USP3: variants seen among roughly 807,000 people sequenced by gnomAD.
USP3 encodes ubiquitin specific peptidase 3.
A neutral mutation model predicts 72.3 loss-of-function variants in USP3; 20 were observed. That is an observed-to-expected ratio of 0.28 (90% CI 0.19 to 0.40). The LOEUF is 0.40. Ranked by LOEUF, USP3 falls within the 10% of genes least tolerant of loss-of-function variation. The probability of loss-of-function intolerance (pLI) is 1.00; values close to 1 mark genes in which losing one functional copy is unlikely to be tolerated. For synonymous variants in USP3, 222 were observed against 225.3 expected (o/e 0.99, Z 0.13); for missense variants, 479 against 633.9 (o/e 0.76, Z 2.62).
At chr15:63,550,654 G>T (rs930439152) in intron 3 of USP3, among the ~76,000 whole-genome samples, 12 of 152,298 alleles carry the variant, frequency 7.9e-5, no homozygotes, top group African/African-American at 2.9e-4. Context: ...AAAAATACTT[G>T]TAACTTTTCA....
intron 8 of USP3, among the ~76,000 whole-genome samples, chr15:63,568,692 A>G (rs1445315756): frequency 1.3e-5 from 2 of 152,216 alleles, no homozygotes; most frequent in African/African-American, 4.8e-5. Flanking sequence ...GCTTTCAGAT[A>G]AGTCAATGAA....
intron 2 of USP3, among the ~76,000 whole-genome samples, chr15:63,532,921 G>A (rs2066099103): frequency 6.6e-6 from 1 of 152,194 alleles, no homozygotes; most frequent in Non-Finnish European, 1.5e-5. Flanking sequence ...TTGATACTCA[G>A]AAGAATTAGT....
chr15:63,562,282 G>C (rs1337288031), intron 7 of USP3, among the ~76,000 whole-genome samples: 1 of 152,190 alleles, frequency 6.6e-6, no homozygotes, highest in Non-Finnish European at 1.5e-5. Context: ...TGTGGATATT[G>C]GGTGATAGGA....
At chr15:63,582,491 G>A (rs1595772782) in intron 11 of USP3, among the ~76,000 whole-genome samples, 1 of 152,260 alleles carries the variant, frequency 6.6e-6, no homozygotes, top group East Asian at 1.9e-4. Flanking sequence ...TTTAAACTGA[G>A]GGTTTGAAAA....
intron 3 of USP3, among the ~76,000 whole-genome samples, chr15:63,546,050 G>GCT (rs1396851698): frequency 6.8e-6 from 1 of 146,784 alleles, no homozygotes; most frequent in Admixed American, 6.8e-5. Context: ...GTAAAAACTT[G>GCT]CTTAGGTATA....
At position 63,567,229 on chromosome 15, in the gene USP3, A is replaced by G. The variant is rs2066704814; in HGVS notation, c.762-3204A>G. 2.0e-5 allele frequency among the ~76,000 whole-genome samples: 3 copies of G among 152,038 alleles called. No individual in the cohort carries two copies. In the South Asian group the frequency reaches 6.2e-4, roughly 31 times the overall value. On this transcript the variant is annotated intron_variant, in intron 8 of 14. Coordinates refer to ENST00000380324, the MANE Select transcript of USP3 (RefSeq NM_006537.4). ...TCGAGACAGTCTCGCTCTGTTGCCC[A>G]GGCTGGAGTGCAATGGCACAGTGCA... is the stretch of plus-strand genomic sequence containing the variant.
chr15:63,563,543 G>A (rs1305964765), intron 8 of USP3, among the ~76,000 whole-genome samples: 1 of 152,000 alleles, frequency 6.6e-6, no homozygotes, highest in African/African-American at 2.4e-5. Context: ...GTCTCACCTC[G>A]CTTGAGCAAA....
intron 9 of USP3, among the ~76,000 whole-genome samples, chr15:63,573,129 A>T (rs2066806257): frequency 6.6e-6 from 1 of 152,248 alleles, no homozygotes; most frequent in Non-Finnish European, 1.5e-5. Context: ...GTCAGGAAGA[A>T]TGAGGTACCT....
intron 11 of USP3, among the ~76,000 whole-genome samples, chr15:63,577,062 A>G (rs1440863084): frequency 6.6e-6 from 1 of 152,226 alleles, no homozygotes; most frequent in Non-Finnish European, 1.5e-5. Flanking sequence ...ATGGTGAGAA[A>G]GACCCATCTT....
rs77508621 is a variant in USP3, at chr15:63,561,708, G to A, written c.648-1187G>A. Among the ~76,000 whole-genome samples, 1,361 of 152,304 alleles carry A rather than the reference G, an allele frequency of 8.9e-3. 27 individuals are homozygous for A. The highest frequency in any genetic ancestry group is 0.031 in the African/African-American group (1,307 of 41,562). On this transcript the variant is annotated intron_variant, in intron 7 of 14. Transcript: ENST00000380324. Reference sequence around the variant, plus strand: ...GGCGAGTGTCTGGCTGTTTAGCTTCGGAAGTGGGAGGCAAACTCTTAAAAG... The same window carrying A: ...GGCGAGTGTCTGGCTGTTTAGCTTCAGAAGTGGGAGGCAAACTCTTAAAAG...
At position 63,504,846 on chromosome 15, in the gene USP3, G is replaced by A. The variant is rs2065685946; in HGVS notation, c.91+16G>A. 1 of 1,584,050 alleles carries A rather than the reference G, an allele frequency of 6.3e-7. No individual in the cohort carries two copies. On this transcript the variant is annotated intron_variant, in intron 1 of 14. Coordinates refer to ENST00000380324, the MANE Select transcript of USP3 (RefSeq NM_006537.4). ...TGCTGCAGCGGTGAGTGCGGCCACG[G>A]GCCGGCCCCGCAGCGCACCCGAGGC...
rs563043496 is a variant in USP3 at position 63,504,600 on chromosome 15, T to C, written c.-140T>C. On this transcript the variant is annotated 5_prime_UTR_variant, in exon 1 of 15. Coordinates refer to ENST00000380324, the MANE Select transcript of USP3 (RefSeq NM_006537.4). ...GGCGTCCGGAAGCCCGTGCTTTCTT[T>C]GACGCAAGGGCTCGAGACGCAGCCG... 1 of 630,608 alleles carries C rather than the reference T, an allele frequency of 1.6e-6. No individual in the cohort carries two copies. The highest frequency in any genetic ancestry group is 2.5e-5 in the South Asian group (1 of 39,774). 39.1% of individuals were successfully genotyped at this position (630,608 alleles called of 1,614,324 possible).
chr15:63,536,888 A>G (rs924139527), intron 2 of USP3, 137 bp from the exon 3 acceptor site: 5 of 945,364 alleles, frequency 5.3e-6, no homozygotes, highest in Non-Finnish European at 4.6e-6. Flanking sequence ...AGTATTCAGT[A>G]TAATAAATCA....
chr15:63,512,305 C>CT (rs1567088960), intron 1 of USP3, among the ~76,000 whole-genome samples: 19 of 146,218 alleles, frequency 1.3e-4, no homozygotes, highest in African/African-American at 5.0e-4. Context: ...CTTCTTCCTC[C>CT]TCTTCTTCTT....
chr15:63,553,786 A>T lies in USP3; in HGVS notation c.356A>T (p.Gln119Leu). The T allele has an allele frequency of 6.2e-7, 1 of 1,612,806 alleles. No homozygotes were observed. The highest frequency in any genetic ancestry group is 1.1e-5 in the South Asian group (1 of 90,936). Residue 119 changes from glutamine to leucine, a missense_variant, in exon 4 of 15, where the codon CAG becomes CTG. By Grantham distance (113) the Gln-to-Leu change is moderately radical (BLOSUM62 -2). Coordinates refer to ENST00000380324, the MANE Select transcript of USP3 (RefSeq NM_006537.4). This position sits in a 1 kb window ranked among gnomAD's most constrained non-coding sequence, Gnocchi z 4.2. ...GLVQKVREHL[Q>L]NLENSAFTAD... ...GTACAGAAAGTCAGAGAACACTTAC[A>T]GAACTTGGAAAAGTAAGTAATAGGC...
chr15:63,538,665 C>T (rs2066196443), intron 3 of USP3, among the ~76,000 whole-genome samples: 1 of 151,758 alleles, frequency 6.6e-6, no homozygotes, highest in Non-Finnish European at 1.5e-5. Context: ...CCTGCCTCAG[C>T]CTCCTGAGTA....
At position 63,591,361 on chromosome 15, in the gene USP3, T is replaced by TTAAG. The variant is rs2067196121; in HGVS notation, c.*538_*541dup. ...CTGTAAAATATAACAAAGGGCATCA[T>TTAAG]TAAGTAGACCAGGTAATTACTGCTT... On this transcript the variant is annotated 3_prime_UTR_variant, in exon 15 of 15. Transcript: ENST00000380324. The TTAAG allele has an allele frequency of 6.6e-6, 1 of 152,470 alleles. No individual in the cohort carries two copies. The highest frequency in any genetic ancestry group is 1.5e-5 in the Non-Finnish European group (1 of 68,238). 9.4% of individuals were successfully genotyped at this position (152,470 alleles called of 1,614,324 possible).
At position 63,570,614 on chromosome 15, in the gene USP3, C is replaced by T. The variant is rs1336721465; in HGVS notation, c.908+35C>T. ...AGTTGCCTTCTGTTTTTTAGGAGGG[C>T]CTCAGACATTTCTTTTGGTGTTAAT... On this transcript the variant is annotated intron_variant, in intron 9 of 14. Coordinates refer to ENST00000380324, the MANE Select transcript of USP3 (RefSeq NM_006537.4). This position sits in a 1 kb window ranked among gnomAD's most constrained non-coding sequence, Gnocchi z 4.4. 1.9e-6 allele frequency: 3 copies of T among 1,575,642 alleles called. No individual in the cohort carries two copies. The highest frequency in any genetic ancestry group is 2.7e-5 in the African/African-American group (2 of 73,430).
At chr15:63,576,208 A>G (rs539163914) in intron 11 of USP3, among the ~76,000 whole-genome samples, 5 of 152,070 alleles carry the variant, frequency 3.3e-5, no homozygotes, top group African/African-American at 1.2e-4. Context: ...GCTGGTCTTA[A>G]ACGCCTAACC....
Sources: allele counts gnomAD v4.1 joint callset (sites outside exome capture counted in the v4.1 genomes callset), GRCh38; gene constraint gnomAD v4.1.1; non-coding constraint Gnocchi (gnomAD v3.1); transcripts MANE v1.5; gene names NCBI Gene and HGNC (gene_info 2026-07-23, HGNC 2026-07-21).